FBXW11: variants seen among roughly 807,000 people sequenced by gnomAD.
FBXW11 encodes F-box and WD repeat domain containing 11.
In FBXW11, 19 loss-of-function variants were observed where a neutral mutation model predicts 77.6. That is an observed-to-expected ratio of 0.24 (90% confidence interval 0.17 to 0.36). The LOEUF is 0.36. Ranked by LOEUF, FBXW11 falls within the 10% of genes least tolerant of loss-of-function variation. FBXW11 has a pLI of 1.00. For synonymous variants in FBXW11, 235 were observed against 249.4 expected (o/e 0.94, Z 0.54); for missense variants, 334 against 704.2 (o/e 0.47, Z 5.95).
chr5:171,875,647 T>C (rs1758027688), intron 9 of FBXW11, among the ~76,000 whole-genome samples: 1 of 152,060 alleles, frequency 6.6e-6, no homozygotes, highest in African/African-American at 2.4e-5. Context: ...AAAGCTAAAA[T>C]TCAAAAAAGT....
At chr5:171,934,316 A>G (rs1235156006) in intron 2 of FBXW11, among the ~76,000 whole-genome samples, 2 of 152,246 alleles carry the variant, frequency 1.3e-5, no homozygotes, top group African/African-American at 2.4e-5. Context: ...AAATAAAAAC[A>G]AAATTATAAC....
intron 8 of FBXW11, among the ~76,000 whole-genome samples, chr5:171,877,281 G>C (rs754462537): frequency 2.6e-5 from 4 of 152,112 alleles, no homozygotes; most frequent in Non-Finnish European, 4.4e-5. Flanking sequence ...GAAGAAGGAG[G>C]CTTGTTGGCT....
chr5:171,958,159 T>A (rs1763714567), intron 1 of FBXW11, among the ~76,000 whole-genome samples: 1 of 152,144 alleles, frequency 6.6e-6, no homozygotes, highest in Non-Finnish European at 1.5e-5. Context: ...AATCCTCATA[T>A]CATTGTAAGG....
chr5:171,873,706 C>G (rs568537386), intron 9 of FBXW11, among the ~76,000 whole-genome samples: 2 of 152,336 alleles, frequency 1.3e-5, no homozygotes, highest in East Asian at 3.9e-4. Context: ...TCTGGAACAG[C>G]TCCATTTGTT....
At chr5:171,945,083 A>C (rs839279) in intron 2 of FBXW11, among the ~76,000 whole-genome samples, 131,202 of 152,206 alleles carry the variant, frequency 0.86, 57,798 homozygotes, top group East Asian at 1. Flanking sequence ...AAAAGACAAC[A>C]GACAGGAGGA....
intron 2 of FBXW11, 57 bp from the exon 3 acceptor site, chr5:171,914,462 A>G (rs1761101399): frequency 7.0e-7 from 1 of 1,423,696 alleles, no homozygotes; most frequent in African/African-American, 1.5e-5. Context: ...ATCCTAAATA[A>G]CTACAATAAA....
intron 2 of FBXW11, among the ~76,000 whole-genome samples, chr5:171,925,244 A>C (rs1380528556): frequency 1.3e-5 from 2 of 152,158 alleles, no homozygotes; most frequent in Non-Finnish European, 2.9e-5. Context: ...CCCCTGAAAA[A>C]CCCTGCTAAA....
chr5:171,975,400 C>T (rs1163244734), intron 1 of FBXW11, among the ~76,000 whole-genome samples: 1 of 152,120 alleles, frequency 6.6e-6, no homozygotes, highest in Non-Finnish European at 1.5e-5. Flanking sequence ...CCAGCCACAG[C>T]CTGGAGATCC....
chr5:171,949,591 AAC>A (rs1763197254), intron 2 of FBXW11, among the ~76,000 whole-genome samples: 1 of 152,176 alleles, frequency 6.6e-6, no homozygotes, highest in African/African-American at 2.4e-5. Flanking sequence ...TGCAATAAAT[AAC>A]AGTTAATATA....
rs531085822 is a variant in FBXW11 at position 171,897,032 on chromosome 5, G to A, written c.714+1972C>T. Among the ~76,000 whole-genome samples the A allele has an allele frequency of 1.1e-4, 17 of 152,234 alleles. No homozygotes were observed. In the South Asian group the frequency reaches 2.3e-3, roughly 20 times the overall value. On this transcript the variant is annotated intron_variant, in intron 6 of 13. Coordinates refer to ENST00000517395, the MANE Select transcript of FBXW11 (RefSeq NM_001378974.1). ...AGCAGTGGTCTATTGTTAAAAACTCGTATTAAGGGTAGAAGGGTACATGGT... is the reference window on the plus strand; with the variant it reads ...AGCAGTGGTCTATTGTTAAAAACTCATATTAAGGGTAGAAGGGTACATGGT...
At chr5:171,935,004 G>A (rs1431535004) in intron 2 of FBXW11, among the ~76,000 whole-genome samples, 1 of 152,170 alleles carries the variant, frequency 6.6e-6, no homozygotes, top group Admixed American at 6.5e-5. Context: ...TGTAGCCCAG[G>A]CTGGAGTGCT....
chr5:171,889,197 C>T lies in FBXW11; in HGVS notation c.852+2270G>A, dbSNP rs142232852. On this transcript the variant is annotated intron_variant, in intron 7 of 13. Transcript: ENST00000517395. ...TGGATATAATATCGAAAGCATGATC[C>T]ATAAAAGAAAAAACTGGTAAGTTGG... Among the ~76,000 whole-genome samples the T allele has an allele frequency of 1.3e-4, 20 of 152,192 alleles. No individual in the cohort carries two copies. In the East Asian group the frequency reaches 3.9e-3, roughly 29 times the overall value.
At chr5:171,953,705 G>A (rs1161195887) in intron 2 of FBXW11, among the ~76,000 whole-genome samples, 1 of 152,086 alleles carries the variant, frequency 6.6e-6, no homozygotes, top group East Asian at 1.9e-4. Context: ...TAAAGATGAG[G>A]AAACAGGGGT....
In FBXW11 at chr5:171,900,046, G is replaced by T; in HGVS notation, c.491C>A (p.Ser164Tyr). 6.2e-7 allele frequency: 1 copy of T among 1,613,596 alleles called. No homozygotes were observed. Among genetic ancestry groups the T allele is most frequent in the Non-Finnish European group, 8.5e-7 (1 of 1,179,658 alleles). Residue 164 changes from serine (S) to tyrosine (Y), a missense_variant, in exon 5 of 14, where the codon TCT becomes TAT. This residue lies in a region of FBXW11 where 56 missense variants were observed against 144.9 expected (regional missense o/e 0.39). Transcript: ENST00000517395. ...ACATACCAGCTCTGCTGCACACAGA[G>T]ACCTGGCATCCAGGTACGAAAGAAT... The part of the protein sequence containing the change: ...ENILSYLDAR[S>Y]LCAAELVCKE...
At chr5:171,905,596 C>CG (rs1048537720) in intron 4 of FBXW11, among the ~76,000 whole-genome samples, 4 of 102,148 alleles carry the variant, frequency 3.9e-5, no homozygotes, top group Non-Finnish European at 5.0e-5. Context: ...CTAACCCCCC[C>CG]CCCTTTATTT....
intron 2 of FBXW11, among the ~76,000 whole-genome samples, chr5:171,934,246 C>G (rs1256439995): frequency 6.6e-6 from 1 of 152,056 alleles, no homozygotes; most frequent in Non-Finnish European, 1.5e-5. Context: ...AAATTGAAAA[C>G]TTAAGACAGA....
intron 2 of FBXW11, among the ~76,000 whole-genome samples, chr5:171,931,370 G>A (rs1268446119): frequency 1.3e-5 from 2 of 152,190 alleles, no homozygotes; most frequent in African/African-American, 4.8e-5. Context: ...ATAGAACTGA[G>A]GGCCCACACA....
rs1179724956 is a variant in FBXW11, at chr5:171,861,733, G to T, written c.*2394C>A. 6.6e-6 allele frequency: 1 copy of T among 152,598 alleles called. No homozygotes were observed. Among genetic ancestry groups the T allele is most frequent in the African/African-American group, 2.4e-5 (1 of 41,432 alleles). The allele number at this position is 152,598 out of a possible 1,614,324, so 9.5% of individuals were successfully genotyped here. On this transcript the variant is annotated 3_prime_UTR_variant, in exon 14 of 14. Transcript: ENST00000517395. ...TATTAAGCACATTCCACAGTACAAA[G>T]CTGTCATGAATAATATCTGTACAAT...
At chr5:171,971,121 T>G (rs1386228408) in intron 1 of FBXW11, among the ~76,000 whole-genome samples, 2 of 152,178 alleles carry the variant, frequency 1.3e-5, no homozygotes, top group African/African-American at 4.8e-5. Context: ...CTTAAAATAT[T>G]TTTCTAGTCT....
Sources: gnomAD v4.1 joint callset for allele counts (sites outside exome capture counted in the v4.1 genomes callset) on GRCh38, gnomAD v4.1.1 for gene constraint, gnomAD v4.1.1 regional missense constraint, MANE v1.5 for transcripts, NCBI Gene and HGNC (gene_info 2026-07-23, HGNC 2026-07-21) for gene names.